Variants in NRG2 observed in about 807,000 individuals in gnomAD.
NRG2 encodes pro-neuregulin-2, membrane-bound isoform.
A neutral mutation model predicts 73.9 loss-of-function variants in NRG2; 27 were observed. That is an observed-to-expected ratio of 0.37 (90% CI 0.27 to 0.50). The LOEUF is 0.50. Ranked by LOEUF, NRG2 falls within the 20% of genes least tolerant of loss-of-function variation. The pLI, the probability that NRG2 is intolerant of heterozygous loss-of-function variation, is 0.96. For missense variants in NRG2, 1,126 were observed against 1,210.1 expected, an observed-to-expected ratio of 0.93 and a Z score of 1.03; for synonymous variants, 532 against 541.0, an observed-to-expected ratio of 0.98 and a Z score of 0.23.
chr5:139,933,560 T>C (rs937380806), intron 1 of NRG2, among the ~76,000 whole-genome samples: 1 of 152,056 alleles, frequency 6.6e-6, no homozygotes, highest in Non-Finnish European at 1.5e-5. Flanking sequence ...TTAAAATATA[T>C]ATGCCTCTAA....
At position 139,959,778 on chromosome 5, in the gene NRG2, G is replaced by T. The variant is rs1002238939; in HGVS notation, c.701-72267C>A. ...TCTGCCCACCTCAGCCTCCTAAAGT[G>T]TTGGGATTACAGGCGTGAGCCACCG... On this transcript the variant is annotated intron_variant, in intron 1 of 9. Transcript: ENST00000361474. Among the ~76,000 whole-genome samples the T allele has an allele frequency of 4.5e-4, 69 of 152,312 alleles. 1 individual carries two copies. Among genetic ancestry groups the T allele is most frequent in the African/African-American group, 1.7e-3 (69 of 41,570 alleles).
intron 1 of NRG2, among the ~76,000 whole-genome samples, chr5:140,039,656 T>A (rs1000441269): frequency 1.3e-5 from 2 of 152,060 alleles, no homozygotes; most frequent in African/African-American, 4.8e-5. Context: ...GAGGCCAATT[T>A]TTAAACACAA....
At position 139,865,125 on chromosome 5, in the gene NRG2, G is replaced by C. The variant is rs762329920; in HGVS notation, c.1189+424C>G. 1 of 1,613,216 alleles carries C rather than the reference G, an allele frequency of 6.2e-7. No homozygotes were observed. On this transcript the variant is annotated intron_variant, in intron 5 of 9. Transcript: ENST00000361474. This position sits in a 1 kb window ranked among gnomAD's most constrained non-coding sequence, Gnocchi z 5.2. ...AAGAAAGAGACATACTGGAGAAGTT[G>C]ACCATTGCGAACTGCTGACACCTGT... is the stretch of plus-strand genomic sequence containing the variant.
chr5:140,031,609 T>C (rs928563628), intron 1 of NRG2, among the ~76,000 whole-genome samples: 1 of 152,208 alleles, frequency 6.6e-6, no homozygotes, highest in East Asian at 1.9e-4. Flanking sequence ...TGACAGATCA[T>C]CTGCTTAATC....
chr5:139,882,941 G>A (rs775832390), intron 2 of NRG2, among the ~76,000 whole-genome samples: 10 of 152,146 alleles, frequency 6.6e-5, no homozygotes, highest in Non-Finnish European at 1.3e-4. Flanking sequence ...TAATGACCCT[G>A]AGGCTTGCTG....
chr5:139,859,821 A>G, intron 5 of NRG2: 2 of 1,521,798 alleles, frequency 1.3e-6, no homozygotes, highest in Non-Finnish European at 1.8e-6. Context: ...CATTCAGCAC[A>G]CATGGCATCG....
At chr5:140,039,615 G>A (rs574538740) in intron 1 of NRG2, among the ~76,000 whole-genome samples, 9 of 152,050 alleles carry the variant, frequency 5.9e-5, no homozygotes, top group Non-Finnish European at 1.2e-4. Flanking sequence ...ATAAGAAGAG[G>A]TCCAGTGTGA....
chr5:139,955,872 G>C (rs1467939288), intron 1 of NRG2, among the ~76,000 whole-genome samples: 1 of 152,156 alleles, frequency 6.6e-6, no homozygotes, highest in East Asian at 1.9e-4. Flanking sequence ...GCCAGAATCA[G>C]CCCCATGGAG....
At chr5:140,002,841 G>A (rs1293898705) in intron 1 of NRG2, among the ~76,000 whole-genome samples, 1 of 152,184 alleles carries the variant, frequency 6.6e-6, no homozygotes, top group Non-Finnish European at 1.5e-5. Flanking sequence ...TGGTGTCTTG[G>A]ACCAAGTGGA....
At chr5:139,933,275 A>C (rs1158466753) in intron 1 of NRG2, among the ~76,000 whole-genome samples, 1 of 147,906 alleles carries the variant, frequency 6.8e-6, no homozygotes, top group African/African-American at 2.5e-5. Context: ...ACTCCGTCTC[A>C]AAAAAAAAAA....
chr5:139,983,487 C>A (rs1490743493), intron 1 of NRG2, among the ~76,000 whole-genome samples: 1 of 152,216 alleles, frequency 6.6e-6, no homozygotes, highest in South Asian at 2.1e-4. Context: ...TGTGCTATTT[C>A]TTGGCCTTAT....
intron 3 of NRG2, among the ~76,000 whole-genome samples, chr5:139,878,051 G>A (rs1763294601): frequency 6.6e-6 from 1 of 152,198 alleles, no homozygotes; most frequent in African/African-American, 2.4e-5. Flanking sequence ...GTGTGGGAGG[G>A]GACTGCAGCT....
intron 5 of NRG2, among the ~76,000 whole-genome samples, chr5:139,863,205 C>G (rs1230072442): frequency 3.9e-5 from 6 of 152,200 alleles, no homozygotes; most frequent in Admixed American, 3.3e-4. Context: ...TAAAGAGGCC[C>G]CAGAGCTAGT....
rs1009137645 is a variant in NRG2 at position 139,848,697 on chromosome 5, C to T, written c.1773G>A (p.Arg591=). 8.2e-5 allele frequency: 108 copies of T among 1,314,182 alleles called. No homozygotes were observed. The highest frequency in any genetic ancestry group is 1.1e-4 in the Non-Finnish European group (107 of 1,012,926). The allele number at this position is 1,314,182 out of a possible 1,614,324, so 81.4% of individuals were successfully genotyped here. The part of the protein sequence containing the change: ...DSLRDSPHSE[R]YVSALTTPAR... ...CGGGCGTGGTCAGGGCCGACACGTA[C>T]CTGCGGGGAGAGGCAGAGGCATGGG... Residue 591 remains arginine, a splice_region_variant and synonymous_variant, in exon 10 of 10, where the codon AGG becomes AGA. Transcript: ENST00000361474.
intron 4 of NRG2, among the ~76,000 whole-genome samples, chr5:139,867,278 G>C (rs1301034224): frequency 2.0e-5 from 3 of 152,194 alleles, no homozygotes; most frequent in Non-Finnish European, 4.4e-5. Context: ...TCTCCCCCAG[G>C]GGAGGCAGGA....
intron 2 of NRG2, 40 bp from the exon 3 acceptor site, chr5:139,881,014 A>G (rs1168266888): frequency 1.9e-6 from 3 of 1,574,244 alleles, no homozygotes; most frequent in Non-Finnish European, 2.6e-6. Context: ...GGCGTGAGCC[A>G]GGGCCGGCTG....
chr5:140,034,011 T>C (rs1213946263), intron 1 of NRG2, among the ~76,000 whole-genome samples: 1 of 151,846 alleles, frequency 6.6e-6, no homozygotes, highest in Admixed American at 6.6e-5. Flanking sequence ...CAGGCTGCAG[T>C]GCAGTGGCGC....
chr5:139,848,775 G>GGCC, intron 9 of NRG2, 78 bp from the exon 10 acceptor site: 3 of 601,720 alleles, frequency 5.0e-6, no homozygotes, highest in Non-Finnish European at 4.8e-6. Flanking sequence ...GTGGGGTAGG[G>GGCC]TGGGAGGGGC....
intron 1 of NRG2, among the ~76,000 whole-genome samples, chr5:139,917,584 A>G (rs992727371): frequency 6.6e-6 from 1 of 152,152 alleles, no homozygotes; most frequent in African/African-American, 2.4e-5. Flanking sequence ...TTCCCTGATA[A>G]CTAATGATGT....
Sources: gnomAD v4.1 joint callset for allele counts (sites outside exome capture counted in the v4.1 genomes callset) on GRCh38, gnomAD v4.1.1 for gene constraint, Gnocchi (gnomAD v3.1) non-coding constraint, MANE v1.5 for transcripts, NCBI Gene and HGNC (gene_info 2026-07-23, HGNC 2026-07-21) for gene names.